The following TRAM2 variants were observed in gnomAD, a reference collection of about 807,000 sequenced individuals.
TRAM2 encodes translocation associated membrane protein 2, also known as translocating chain-associated membrane protein 2.
In TRAM2, 12 loss-of-function variants were observed where a neutral mutation model predicts 51.0. The ratio of observed to expected loss-of-function variants is 0.24; its 90% CI spans 0.15 to 0.38. TRAM2 has a LOEUF of 0.38. Ranked by LOEUF, TRAM2 falls within the 10% of genes least tolerant of loss-of-function variation. The pLI, the probability that TRAM2 is intolerant of heterozygous loss-of-function variation, is 1.00. For synonymous variants in TRAM2, 175 were observed against 179.4 expected, an observed-to-expected ratio of 0.98 and a Z score of 0.20; for missense variants, 361 against 462.0, an observed-to-expected ratio of 0.78 and a Z score of 2.00.
chr6:52,515,462 T>G (rs1462037727), intron 4 of TRAM2, among the ~76,000 whole-genome samples: 1 of 152,214 alleles, frequency 6.6e-6, no homozygotes, highest in African/African-American at 2.4e-5. Context: ...CTCACAGGAT[T>G]TGATGAGCTG....
In TRAM2 at chr6:52,563,592, G is replaced by A. The variant is rs554672805; in HGVS notation, c.120+13204C>T. Among the ~76,000 whole-genome samples, 4 of 150,010 alleles carry A rather than the reference G, an allele frequency of 2.7e-5. No individual in the cohort carries two copies. The South Asian group carries it at 8.4e-4, about 32-fold the overall frequency. ...AAATTAGCCAGGCGTGGTGGTTGGC[G>A]CCTCTAGTCCCAGCTACTCAGGAGG... is the stretch of plus-strand genomic sequence containing the variant. On this transcript the variant is annotated intron_variant, in intron 1 of 10. Coordinates refer to ENST00000182527, the MANE Select transcript of TRAM2 (RefSeq NM_012288.4).
At chr6:52,525,758 AG>A (rs1279071678) in intron 2 of TRAM2, among the ~76,000 whole-genome samples, 1 of 152,202 alleles carries the variant, frequency 6.6e-6, no homozygotes, top group Non-Finnish European at 1.5e-5. Flanking sequence ...CAGTGAGCCG[AG>A]ATTGTGCCAC....
At chr6:52,522,227 C>A (rs2114075705) in intron 2 of TRAM2, among the ~76,000 whole-genome samples, 1 of 152,366 alleles carries the variant, frequency 6.6e-6, no homozygotes, top group Admixed American at 6.5e-5. Flanking sequence ...ACAGTAGTAA[C>A]TGGCAGCCTC....
Position 52,544,918 on chromosome 6 carries a change from C to T in TRAM2, c.121-9072G>A, listed in dbSNP as rs115502947. ...CCACACTTTGCCACAAACCAGTCTC[C>T]GCATACCCCTAAGCCAAATAAACAA... On this transcript the variant is annotated intron_variant, in intron 1 of 10. Coordinates refer to ENST00000182527, the MANE Select transcript of TRAM2 (RefSeq NM_012288.4). Among the ~76,000 whole-genome samples the T allele has an allele frequency of 5.2e-3, 791 of 152,306 alleles. 8 individuals carry two copies. Among genetic ancestry groups the T allele is most frequent in the African/African-American group, 0.018 (730 of 41,564 alleles).
intron 1 of TRAM2, among the ~76,000 whole-genome samples, chr6:52,556,927 CAAA>C (rs11291654): frequency 2.4e-5 from 3 of 122,946 alleles, no homozygotes; most frequent in Non-Finnish European, 1.7e-5. Flanking sequence ...GACTCCATCT[CAAA>C]AAAAAAAAAA....
intron 2 of TRAM2, among the ~76,000 whole-genome samples, chr6:52,531,073 A>G (rs965761269): frequency 3.4e-5 from 5 of 145,974 alleles, no homozygotes; most frequent in Non-Finnish European, 7.4e-5. Flanking sequence ...CAAGCTATAC[A>G]CTACTTAAGG....
intron 1 of TRAM2, among the ~76,000 whole-genome samples, chr6:52,565,167 G>C (rs981489885): frequency 6.6e-6 from 1 of 152,178 alleles, no homozygotes; most frequent in African/African-American, 2.4e-5. Context: ...TAAGTAGGGA[G>C]ACCCATGTTC....
chr6:52,557,192 C>CAA (rs371429027), intron 1 of TRAM2, among the ~76,000 whole-genome samples: 2 of 140,092 alleles, frequency 1.4e-5, no homozygotes, highest in Non-Finnish European at 3.1e-5. Flanking sequence ...AACTCTGTCT[C>CAA]AAAAAAAAAA....
intron 1 of TRAM2, among the ~76,000 whole-genome samples, chr6:52,548,789 C>G (rs1052567673): frequency 4.6e-5 from 7 of 152,174 alleles, no homozygotes; most frequent in Non-Finnish European, 8.8e-5. Flanking sequence ...TGTCATAGAT[C>G]AGGACAGCGT....
intron 2 of TRAM2, among the ~76,000 whole-genome samples, chr6:52,531,507 G>A (rs553909644): frequency 7.2e-5 from 11 of 152,348 alleles, no homozygotes; most frequent in African/African-American, 2.6e-4. Flanking sequence ...ACCCAGGCCT[G>A]TTCTGGGCCT....
intron 2 of TRAM2, among the ~76,000 whole-genome samples, chr6:52,528,355 G>A (rs768335487): frequency 3.9e-5 from 6 of 152,008 alleles, no homozygotes; most frequent in African/African-American, 4.8e-5. Context: ...CATCTCCAGA[G>A]CCACCGCTGC....
rs1269011529 is a variant in TRAM2, at chr6:52,499,246, CG to C, written c.*3950del. ...CTCCTGAGAAAAGGAACCATAAGCT[CG>C]GAAGGCAGAGTGAGGGAGGAAGAGC... On this transcript the variant is annotated 3_prime_UTR_variant, in exon 11 of 11. Transcript: ENST00000182527. The C allele has an allele frequency of 1.3e-5, 2 of 152,098 alleles. No individual in the cohort carries two copies. Among genetic ancestry groups the C allele is most frequent in the African/African-American group, 4.8e-5 (2 of 41,402 alleles). The allele number at this position is 152,098 out of a possible 1,614,324, so 9.4% of individuals were successfully genotyped here.
At chr6:52,527,877 T>A (rs915946968) in intron 2 of TRAM2, among the ~76,000 whole-genome samples, 1 of 152,108 alleles carries the variant, frequency 6.6e-6, no homozygotes, top group Non-Finnish European at 1.5e-5. Flanking sequence ...AAGTTTTAGT[T>A]ATTGGAAAAA....
chr6:52,574,698 G>C (rs912873840), intron 1 of TRAM2, among the ~76,000 whole-genome samples: 4 of 152,164 alleles, frequency 2.6e-5, no homozygotes, highest in Non-Finnish European at 5.9e-5. Flanking sequence ...CTCGTCTTGG[G>C]CCTTTCTCTT....
In TRAM2 at chr6:52,497,781, G is replaced by C. The variant is rs1766114706; in HGVS notation, c.*5416C>G. On this transcript the variant is annotated 3_prime_UTR_variant, in exon 11 of 11. Coordinates refer to ENST00000182527, the MANE Select transcript of TRAM2 (RefSeq NM_012288.4). ...GAGGAACCGAAAAATGAGGTTTACAGTCTCATCACATGAACACTCAAATCT... is the reference window on the plus strand; with the variant it reads ...GAGGAACCGAAAAATGAGGTTTACACTCTCATCACATGAACACTCAAATCT... 2 of 152,604 alleles carry C rather than the reference G, an allele frequency of 1.3e-5. No homozygotes were observed. Among genetic ancestry groups the C allele is most frequent in the Admixed American group, 6.5e-5 (1 of 15,286 alleles). The allele number at this position is 152,604 out of a possible 1,614,324, so 9.5% of individuals were successfully genotyped here.
intron 1 of TRAM2, among the ~76,000 whole-genome samples, chr6:52,561,654 T>A (rs1767504174): frequency 6.7e-6 from 1 of 149,672 alleles, no homozygotes. Flanking sequence ...CCCGGCTAAT[T>A]TTTTTTTTTG....
chr6:52,516,258 G>T, intron 3 of TRAM2, 136 bp from the exon 4 acceptor site: 1 of 798,734 alleles, frequency 1.3e-6, no homozygotes, highest in East Asian at 2.5e-5. Flanking sequence ...CAAGTCATTT[G>T]GTGTAAGCCT....
chr6:52,549,253 C>G (rs566483395), intron 1 of TRAM2, among the ~76,000 whole-genome samples: 1 of 138,456 alleles, frequency 7.2e-6, no homozygotes, highest in East Asian at 2.2e-4. Flanking sequence ...CTCCTTCCCT[C>G]CCTTCCCTCC....
At chr6:52,511,228 C>CT (rs1160888855) in intron 4 of TRAM2, among the ~76,000 whole-genome samples, 1 of 152,206 alleles carries the variant, frequency 6.6e-6, no homozygotes, top group Non-Finnish European at 1.5e-5. Context: ...CTCAGTCCTC[C>CT]TGAGTAGCTG....
Sources: allele counts gnomAD v4.1 joint callset (sites outside exome capture counted in the v4.1 genomes callset), GRCh38; gene constraint gnomAD v4.1.1; transcripts MANE v1.5; gene names NCBI Gene and HGNC (gene_info 2026-07-23, HGNC 2026-07-21).